CSMD3: variants seen among roughly 807,000 people sequenced by gnomAD.
CSMD3 encodes the protein CUB and sushi domain-containing protein 3.
In CSMD3, 177 loss-of-function variants were observed where a neutral mutation model predicts 435.2. That is an observed-to-expected ratio of 0.41 (90% CI 0.36 to 0.46). The LOEUF (loss-of-function observed/expected upper bound fraction) is 0.46. Among genes scored for constraint, CSMD3 ranks in the 20% least tolerant of loss-of-function variants. CSMD3 has a pLI of 0.34. For missense variants in CSMD3, 4,265 were observed against 4,504.6 expected (o/e 0.95, Z 1.52); for synonymous variants, 1,656 against 1,520.5 (o/e 1.09, Z -2.07).
rs565729991 is a variant in CSMD3 at position 112,712,566 on chromosome 8, A to G, written c.1973-22516T>C. Among the ~76,000 whole-genome samples the G allele has an allele frequency of 2.6e-5, 4 of 152,198 alleles. No individual in the cohort carries two copies. In the East Asian group the frequency reaches 7.8e-4, roughly 30 times the overall value. On this transcript the variant is annotated intron_variant, in intron 13 of 70. Transcript: ENST00000297405. Reference sequence around the variant, plus strand: ...CTGCTGATGTAGAGTAACTGGATTAATATTTTCCTTGGACTGATGAGTTGT... The same window carrying G: ...CTGCTGATGTAGAGTAACTGGATTAGTATTTTCCTTGGACTGATGAGTTGT...
rs1828167217 is a variant in CSMD3, at chr8:112,556,870, G to A, written c.4127C>T (p.Thr1376Ile). 5 of 1,611,504 alleles carry A rather than the reference G, an allele frequency of 3.1e-6. No homozygotes were observed. The highest frequency in any genetic ancestry group is 1.7e-5 in the Admixed American group (1 of 59,746). The change falls in exon 25 of 71, where the codon ACC becomes ATC. Residue 1376 changes from threonine (T) to isoleucine (I), a missense_variant. By Grantham distance (89) the Thr-to-Ile change is moderately conservative. Coordinates refer to ENST00000297405, the MANE Select transcript of CSMD3 (RefSeq NM_198123.2). Reference protein sequence around the residue: ...ISDQGHFAGSTIIYGCNPGYT... With the variant: ...ISDQGHFAGSIIIYGCNPGYT... ...GCCTGGATTGCATCCATAAATGATGGTGCTACCAGCAAAGTGGCCTTGGTC... is the reference window on the plus strand; with the variant it reads ...GCCTGGATTGCATCCATAAATGATGATGCTACCAGCAAAGTGGCCTTGGTC...
At chr8:112,871,263 A>AT (rs1564049104) in intron 10 of CSMD3, among the ~76,000 whole-genome samples, 1 of 152,194 alleles carries the variant, frequency 6.6e-6, no homozygotes, top group Admixed American at 6.5e-5. Context: ...ATAGTAAATA[A>AT]TTTTTCAGAA....
chr8:112,948,404 C>A (rs13249072), intron 8 of CSMD3, among the ~76,000 whole-genome samples: 1 of 151,796 alleles, frequency 6.6e-6, no homozygotes, highest in African/African-American at 2.4e-5. Context: ...AATTACTAGG[C>A]ATGCCTTTAA....
chr8:112,678,021 C>G (rs4876483), intron 16 of CSMD3, among the ~76,000 whole-genome samples: 4 of 151,836 alleles, frequency 2.6e-5, no homozygotes, highest in Non-Finnish European at 5.9e-5. Context: ...ATTATTTATA[C>G]TGTTTTTAAG....
chr8:113,293,342 G>C (rs1041102852), intron 2 of CSMD3, among the ~76,000 whole-genome samples: 1 of 151,956 alleles, frequency 6.6e-6, no homozygotes, highest in Non-Finnish European at 1.5e-5. Flanking sequence ...GAGAAGTGGA[G>C]AGAAGCTATT....
chr8:112,278,913 A>G (rs1412802381), intron 59 of CSMD3, among the ~76,000 whole-genome samples: 1 of 152,046 alleles, frequency 6.6e-6, no homozygotes, highest in East Asian at 1.9e-4. Context: ...CATTTAAAAT[A>G]ATGATTTGGA....
intron 35 of CSMD3, among the ~76,000 whole-genome samples, chr8:112,404,168 G>T (rs929792623): frequency 5.3e-5 from 8 of 151,984 alleles, no homozygotes; most frequent in African/African-American, 1.9e-4. Context: ...TAGCACAATT[G>T]TTGACAATGT....
chr8:112,852,765 A>G (rs1410936425), intron 11 of CSMD3, among the ~76,000 whole-genome samples: 1 of 152,028 alleles, frequency 6.6e-6, no homozygotes, highest in African/African-American at 2.4e-5. Flanking sequence ...TACTAAAAAT[A>G]CAAAAAATTA....
chr8:112,739,962 G>A (rs1293938194), intron 13 of CSMD3, among the ~76,000 whole-genome samples: 2 of 151,718 alleles, frequency 1.3e-5, no homozygotes, highest in Non-Finnish European at 2.9e-5. Context: ...TGATACCACA[G>A]GAGCATAATT....
intron 60 of CSMD3, among the ~76,000 whole-genome samples, chr8:112,264,186 TTAAC>T (rs1816716954): frequency 1.3e-5 from 2 of 152,100 alleles, no homozygotes; most frequent in African/African-American, 2.4e-5. Flanking sequence ...CTTGGGTTGT[TTAAC>T]TATATATAGT....
At chr8:112,974,649 T>A (rs2084779775) in intron 7 of CSMD3, among the ~76,000 whole-genome samples, 1 of 151,896 alleles carries the variant, frequency 6.6e-6, no homozygotes, top group African/African-American at 2.4e-5. Context: ...TGATTTAATC[T>A]TTTTGAGAAG....
At chr8:112,254,017 A>AT in intron 63 of CSMD3, among the ~76,000 whole-genome samples, 1 of 151,768 alleles carries the variant, frequency 6.6e-6, no homozygotes, top group East Asian at 1.9e-4. Flanking sequence ...GCTCACTGCT[A>AT]TTTTTTGCTT....
chr8:112,471,992 G>A (rs76328040), intron 32 of CSMD3, among the ~76,000 whole-genome samples: 9 of 152,254 alleles, frequency 5.9e-5, no homozygotes, highest in Admixed American at 3.9e-4. Context: ...CTTCTAAGAC[G>A]TGTGATCAGA....
At chr8:112,494,915 C>T (rs751319372) in intron 30 of CSMD3, among the ~76,000 whole-genome samples, 25 of 152,022 alleles carry the variant, frequency 1.6e-4, no homozygotes, top group Non-Finnish European at 3.2e-4. Flanking sequence ...TTGATCTTCT[C>T]CCAAGCACAC....
chr8:112,622,400 T>C (rs1834144693), intron 22 of CSMD3, among the ~76,000 whole-genome samples: 1 of 152,164 alleles, frequency 6.6e-6, no homozygotes, highest in Non-Finnish European at 1.5e-5. Context: ...CTGAAAGATG[T>C]TGTAAGATGT....
chr8:112,622,945 C>T (rs528401855), intron 22 of CSMD3, among the ~76,000 whole-genome samples: 1 of 152,108 alleles, frequency 6.6e-6, no homozygotes, highest in African/African-American at 2.4e-5. Flanking sequence ...TTCAACTTGC[C>T]ACAGTTTCTA....
chr8:112,782,481 G>A (rs1033519543), intron 13 of CSMD3, among the ~76,000 whole-genome samples: 2 of 152,010 alleles, frequency 1.3e-5, no homozygotes, highest in African/African-American at 4.8e-5. Context: ...AAGAGTTATT[G>A]CCTTTAAAGA....
intron 32 of CSMD3, among the ~76,000 whole-genome samples, chr8:112,449,671 T>C (rs1816036514): frequency 2.0e-5 from 3 of 152,226 alleles, no homozygotes; most frequent in Non-Finnish European, 4.4e-5. Context: ...TATCTTATGG[T>C]ATTTCTAATA....
Position 112,808,762 on chromosome 8 carries a change from C to T in CSMD3, c.1860-8488G>A, listed in dbSNP as rs2079152130. 2.0e-5 allele frequency among the ~76,000 whole-genome samples: 3 copies of T among 151,998 alleles called. No homozygotes were observed. In the South Asian group the frequency reaches 6.2e-4, roughly 32 times the overall value. On this transcript the variant is annotated intron_variant, in intron 12 of 70. Coordinates refer to ENST00000297405, the MANE Select transcript of CSMD3 (RefSeq NM_198123.2). Reference sequence around the variant, plus strand: ...CTAGGCTCCCCCTCCCCTTTCTAAACCAAAGTATAACAGAAAATCTAGCCC... The same window carrying T: ...CTAGGCTCCCCCTCCCCTTTCTAAATCAAAGTATAACAGAAAATCTAGCCC...
Sources: allele counts gnomAD v4.1 joint callset (sites outside exome capture counted in the v4.1 genomes callset), GRCh38; gene constraint gnomAD v4.1.1; transcripts MANE v1.5; gene names NCBI Gene and HGNC (gene_info 2026-07-23, HGNC 2026-07-21).